The following RASGEF1C variants were observed in gnomAD, a reference collection of about 807,000 sequenced individuals.
RASGEF1C encodes the protein RasGEF domain family member 1C, also known as ras-GEF domain-containing family member 1C.
A neutral mutation model predicts 58.1 loss-of-function variants in RASGEF1C; 27 were observed. The ratio of observed to expected loss-of-function variants is 0.46; its 90% CI spans 0.34 to 0.64. The LOEUF (loss-of-function observed/expected upper bound fraction) is 0.64. Among genes scored for constraint, RASGEF1C ranks in the 30% least tolerant of loss-of-function variants. RASGEF1C has a pLI of 0.01. For missense variants in RASGEF1C, 502 were observed against 605.1 expected (o/e 0.83, Z 1.79); for synonymous variants, 243 against 246.3 (o/e 0.99, Z 0.13).
chr5:180,190,620 A>G (rs1205004146), intron 1 of RASGEF1C, among the ~76,000 whole-genome samples: 1 of 150,696 alleles, frequency 6.6e-6, no homozygotes, highest in Non-Finnish European at 1.5e-5. Flanking sequence ...GTGAGCTGTG[A>G]TCGCACCACT....
rs140111802 is a variant in RASGEF1C at position 180,123,405 on chromosome 5, C to T, written c.715-2256G>A. Among the ~76,000 whole-genome samples the T allele has an allele frequency of 6.4e-4, 98 of 152,244 alleles. 1 individual carries two copies. The East Asian group carries it at 0.017, about 27-fold the overall frequency. On this transcript the variant is annotated intron_variant, in intron 6 of 13. Coordinates refer to ENST00000361132, the MANE Select transcript of RASGEF1C (RefSeq NM_175062.4). The stretch of plus-strand genomic sequence containing the variant: ...CACAATTTGAAGCAATAAACAAACA[C>T]GGAAACTTGAACTTAACTACTTGAG...
chr5:180,123,339 A>G (rs1486699921), intron 6 of RASGEF1C, among the ~76,000 whole-genome samples: 2 of 152,272 alleles, frequency 1.3e-5, no homozygotes, highest in African/African-American at 4.8e-5. Flanking sequence ...ATTGAAAAAG[A>G]AAAACAAAAC....
intron 1 of RASGEF1C, among the ~76,000 whole-genome samples, chr5:180,188,967 A>C (rs1421188638): frequency 6.6e-6 from 1 of 152,230 alleles, no homozygotes; most frequent in East Asian, 1.9e-4. Flanking sequence ...GAAAGAAAGA[A>C]ACAAAAGGCA....
chr5:180,134,009 G>T (rs1766423114), intron 4 of RASGEF1C, among the ~76,000 whole-genome samples: 1 of 152,174 alleles, frequency 6.6e-6, no homozygotes, highest in Non-Finnish European at 1.5e-5. Flanking sequence ...AAAGCACCTT[G>T]CTTGAGGTCA....
intron 11 of RASGEF1C, among the ~76,000 whole-genome samples, chr5:180,113,098 G>A (rs1312400269): frequency 1.5e-5 from 2 of 129,080 alleles, no homozygotes; most frequent in Non-Finnish European, 3.3e-5. Flanking sequence ...AGAGGGACTG[G>A]GGATGGACGG....
At chr5:180,178,946 G>T (rs1561753055) in intron 1 of RASGEF1C, among the ~76,000 whole-genome samples, 1 of 152,174 alleles carries the variant, frequency 6.6e-6, no homozygotes, top group Non-Finnish European at 1.5e-5. Context: ...GAGTGGGGAG[G>T]AAGCCAAGGA....
At chr5:180,189,998 G>A (rs577466421) in intron 1 of RASGEF1C, among the ~76,000 whole-genome samples, 91 of 138,666 alleles carry the variant, frequency 6.6e-4, no homozygotes, top group Middle Eastern at 4.0e-3. Flanking sequence ...TACTTCATGC[G>A]AAAAAAAAAA....
chr5:180,114,632 C>T, intron 10 of RASGEF1C, 91 bp from the exon 11 acceptor site: 1 of 1,270,620 alleles, frequency 7.9e-7, no homozygotes, highest in South Asian at 1.3e-5. Context: ...GATAGCTGCC[C>T]CAGGGACCTC....
intron 12 of RASGEF1C, among the ~76,000 whole-genome samples, chr5:180,104,656 G>C (rs923159486): frequency 1.3e-5 from 2 of 152,194 alleles, no homozygotes; most frequent in African/African-American, 4.8e-5. Flanking sequence ...TGGAGAATTG[G>C]TGTTAATTCT....
intron 1 of RASGEF1C, among the ~76,000 whole-genome samples, chr5:180,208,372 G>T (rs1326246785): frequency 6.6e-6 from 1 of 152,124 alleles, no homozygotes; most frequent in Non-Finnish European, 1.5e-5. Flanking sequence ...CTGAGCATGG[G>T]GCGGCGTCGC....
At chr5:180,187,328 TG>T (rs1474111005) in intron 1 of RASGEF1C, among the ~76,000 whole-genome samples, 2 of 152,150 alleles carry the variant, frequency 1.3e-5, no homozygotes, top group Non-Finnish European at 2.9e-5. Flanking sequence ...GGAGAAAACC[TG>T]GGGAGAAACA....
chr5:180,127,545 C>T (rs1212292414), intron 6 of RASGEF1C, 64 bp downstream of exon 6: 9 of 1,489,470 alleles, frequency 6.0e-6, no homozygotes, highest in Non-Finnish European at 8.1e-6. Flanking sequence ...CTCGCGGGCT[C>T]CCCGGAGAGC....
intron 1 of RASGEF1C, among the ~76,000 whole-genome samples, chr5:180,195,183 G>A (rs945061225): frequency 6.7e-6 from 1 of 149,916 alleles, no homozygotes; most frequent in Non-Finnish European, 1.5e-5. Flanking sequence ...GAGCAGCTGG[G>A]GCATCGTGCC....
intron 12 of RASGEF1C, among the ~76,000 whole-genome samples, chr5:180,104,333 G>T (rs1286657614): frequency 6.6e-6 from 1 of 152,130 alleles, no homozygotes; most frequent in East Asian, 1.9e-4. Context: ...GGGCTGGAGG[G>T]AGCCAGTCTG....
At chr5:180,152,562 G>T (rs1212781011) in intron 1 of RASGEF1C, among the ~76,000 whole-genome samples, 1 of 113,998 alleles carries the variant, frequency 8.8e-6, no homozygotes, top group Admixed American at 1.1e-4. Context: ...GGGGCCTGTT[G>T]TGGGGTGGGG....
Position 180,137,452 on chromosome 5 carries a change from A to T in RASGEF1C, c.300+138T>A. 1.6e-6 allele frequency: 2 copies of T among 1,213,034 alleles called. No homozygotes were observed. The highest frequency in any genetic ancestry group is 2.3e-6 in the Non-Finnish European group (2 of 861,738). The allele number at this position is 1,213,034 out of a possible 1,614,324, so 75.1% of individuals were successfully genotyped here. A position where few individuals can be genotyped will look rare whatever the true frequency, so the allele number is the denominator to read the frequency against. On this transcript the variant is annotated intron_variant, in intron 3 of 13. Transcript: ENST00000361132. The surrounding 1 kb of genome is among the most constrained non-coding windows in gnomAD (Gnocchi z 4.1). The stretch of plus-strand genomic sequence containing the variant: ...TGCTCCTTCTGGCTCTGGGCCTCAG[A>T]CAAGGTGGAAACACCCGGTAGCCAC...
chr5:180,115,460 C>A (rs564899209), intron 10 of RASGEF1C: 3 of 293,638 alleles, frequency 1.0e-5, no homozygotes, highest in East Asian at 1.8e-4. Context: ...GCGTGCAGGC[C>A]CCCCCAGACT....
chr5:180,192,940 T>C (rs995668881), intron 1 of RASGEF1C, among the ~76,000 whole-genome samples: 2 of 151,558 alleles, frequency 1.3e-5, no homozygotes, highest in Non-Finnish European at 2.9e-5. Context: ...GAGATGGGGT[T>C]TCACCATGTC....
chr5:180,169,953 C>T (rs927648671), intron 1 of RASGEF1C, among the ~76,000 whole-genome samples: 4 of 152,148 alleles, frequency 2.6e-5, no homozygotes, highest in East Asian at 1.9e-4. Flanking sequence ...GCCCCTCCCT[C>T]GGAGACCTTC....
Sources: allele counts gnomAD v4.1 joint callset (sites outside exome capture counted in the v4.1 genomes callset), GRCh38; gene constraint gnomAD v4.1.1; non-coding constraint Gnocchi (gnomAD v3.1); transcripts MANE v1.5; gene names NCBI Gene and HGNC (gene_info 2026-07-23, HGNC 2026-07-21).